Variants in COL26A1 observed in about 807,000 individuals in gnomAD.
COL26A1 encodes collagen alpha-1(XXVI) chain.
Under a neutral mutation model 59.3 loss-of-function variants are expected in COL26A1, and 41 were observed. That is an observed-to-expected ratio of 0.69 (90% CI 0.54 to 0.90). COL26A1 has a LOEUF of 0.90. Ranked by LOEUF, COL26A1 falls within the 40% of genes least tolerant of loss-of-function variation. The pLI, the probability that COL26A1 is intolerant of heterozygous loss-of-function variation, is 0.00. For missense variants in COL26A1, 612 were observed against 602.3 expected (o/e 1.02, Z -0.17); for synonymous variants, 266 against 256.0 (o/e 1.04, Z -0.37).
At chr7:101,453,286 G>A (rs1489487410) in intron 3 of COL26A1, among the ~76,000 whole-genome samples, 1 of 152,210 alleles carries the variant, frequency 6.6e-6, no homozygotes, top group Non-Finnish European at 1.5e-5. Flanking sequence ...AGAATCACTT[G>A]AACCTGGGAG....
rs536080929 is a variant in COL26A1, at chr7:101,461,341, C to A, written c.385+13554C>A. On this transcript the variant is annotated intron_variant, in intron 3 of 12. Transcript: ENST00000313669. ...TTGACGGAGTTTCGCTGTTGTTGTG[C>A]AGGCTGGTGTGTAATGACACGATCT... 3.1e-4 allele frequency among the ~76,000 whole-genome samples: 46 copies of A among 149,948 alleles called. No individual in the cohort carries two copies. In the South Asian group the frequency reaches 9.0e-3, roughly 29 times the overall value.
chr7:101,369,760 G>T (rs897343209), intron 1 of COL26A1, among the ~76,000 whole-genome samples: 3 of 151,944 alleles, frequency 2.0e-5, no homozygotes, highest in Non-Finnish European at 2.9e-5. Flanking sequence ...GTTTAATTCT[G>T]CTAGATAGCG....
chr7:101,396,308 C>T (rs910376621), intron 1 of COL26A1, among the ~76,000 whole-genome samples: 2 of 152,022 alleles, frequency 1.3e-5, no homozygotes, highest in African/African-American at 4.8e-5. Context: ...CTAGTGGTTC[C>T]CCATGCCTCA....
At chr7:101,438,785 C>T (rs777694329) in intron 2 of COL26A1, among the ~76,000 whole-genome samples, 1 of 151,510 alleles carries the variant, frequency 6.6e-6, no homozygotes, top group Non-Finnish European at 1.5e-5. Flanking sequence ...ATTCTCCTGC[C>T]TCAGCCTCCC....
chr7:101,386,985 C>T (rs924266992), intron 1 of COL26A1, among the ~76,000 whole-genome samples: 5 of 151,944 alleles, frequency 3.3e-5, no homozygotes, highest in Admixed American at 6.6e-5. Context: ...AACCTGGCCA[C>T]GCCCCTGGGG....
At chr7:101,448,509 T>C (rs1356722579) in intron 3 of COL26A1, among the ~76,000 whole-genome samples, 1 of 152,062 alleles carries the variant, frequency 6.6e-6, no homozygotes, top group African/African-American at 2.4e-5. Context: ...TTTTTTTTTT[T>C]TGAGACAAGG....
intron 3 of COL26A1, among the ~76,000 whole-genome samples, chr7:101,500,687 G>C (rs1050582155): frequency 4.6e-5 from 7 of 152,074 alleles, no homozygotes; most frequent in South Asian, 2.1e-4. Flanking sequence ...TGGGCGTGGT[G>C]GTGGGCACCT....
chr7:101,460,699 T>G (rs1304737255), intron 3 of COL26A1, among the ~76,000 whole-genome samples: 2 of 151,936 alleles, frequency 1.3e-5, no homozygotes, highest in African/African-American at 4.8e-5. Flanking sequence ...AAGAATCGCT[T>G]GAACCCGGGA....
At chr7:101,456,170 T>TATA (rs11433198) in intron 3 of COL26A1, among the ~76,000 whole-genome samples, 740 of 47,940 alleles carry the variant, frequency 0.015, 8 homozygotes, top group African/African-American at 0.063. Flanking sequence ...ATATATATAT[T>TATA]TTTTTTTTAA....
intron 7 of COL26A1, 27 bp from the exon 8 acceptor site, chr7:101,547,129 C>A (rs1795752309): frequency 6.5e-7 from 1 of 1,540,342 alleles, no homozygotes. Context: ...CCCCACCAGA[C>A]CCCTGGCCGC....
At chr7:101,387,630 G>GCTCTCTCTCTCTCTCTCTCTCTCTCT (rs374185692) in intron 1 of COL26A1, among the ~76,000 whole-genome samples, 1 of 132,424 alleles carries the variant, frequency 7.6e-6, no homozygotes, top group Admixed American at 7.8e-5. Context: ...TCTCTCTCTC[G>GCTCTCTCTCTCTCTCTCTCTCTCTCT]CTCTCTCTCT....
chr7:101,458,077 G>T (rs1157749898), intron 3 of COL26A1, among the ~76,000 whole-genome samples: 1 of 151,900 alleles, frequency 6.6e-6, no homozygotes, highest in African/African-American at 2.4e-5. Context: ...TGTATTTTTA[G>T]TAGAGATGGG....
At chr7:101,377,503 T>C (rs1305267979) in intron 1 of COL26A1, among the ~76,000 whole-genome samples, 1 of 151,532 alleles carries the variant, frequency 6.6e-6, no homozygotes, top group East Asian at 1.9e-4. Flanking sequence ...CATAGCTCAC[T>C]GCAGCCTTGA....
chr7:101,547,818 TTCATTCATTCGTTTATTC>T (rs1448741210), intron 8 of COL26A1, among the ~76,000 whole-genome samples: 4 of 149,476 alleles, frequency 2.7e-5, no homozygotes, highest in South Asian at 2.1e-4. Context: ...CATTCGTTCA[TTCATTCATTCGTTTATTC>T]ATTCATTCAT....
intron 3 of COL26A1, among the ~76,000 whole-genome samples, chr7:101,488,294 A>G (rs1794310345): frequency 6.7e-6 from 1 of 149,412 alleles, no homozygotes; most frequent in Non-Finnish European, 1.5e-5. Flanking sequence ...AAAAAAAAGT[A>G]ATTAAATATA....
At chr7:101,519,811 TCTC>T (rs1214773998) in intron 3 of COL26A1, among the ~76,000 whole-genome samples, 2 of 152,058 alleles carry the variant, frequency 1.3e-5, no homozygotes, top group African/African-American at 2.4e-5. Flanking sequence ...TTCCCTCCTC[TCTC>T]CTCGGGAAAA....
intron 5 of COL26A1, among the ~76,000 whole-genome samples, chr7:101,542,095 T>C (rs914538307): frequency 6.6e-6 from 1 of 151,996 alleles, no homozygotes; most frequent in Non-Finnish European, 1.5e-5. Flanking sequence ...GCCTCCCTAA[T>C]AACTGGGATT....
rs1295899113 is a variant in COL26A1, at chr7:101,558,100, C to T, written c.*570C>T. The T allele has an allele frequency of 6.6e-6, 1 of 152,324 alleles. No individual in the cohort carries two copies. Among genetic ancestry groups the T allele is most frequent in the Non-Finnish European group, 1.5e-5 (1 of 68,142 alleles). The allele number at this position is 152,324 out of a possible 1,614,324, so 9.4% of individuals were successfully genotyped here. On this transcript the variant is annotated 3_prime_UTR_variant, in exon 13 of 13. Coordinates refer to ENST00000313669, the MANE Select transcript of COL26A1 (RefSeq NM_001278563.3). Reference sequence around the variant, plus strand: ...GGGAGGGCGCAGGGCCAGAACGGCTCCTTAAGGCAGGCAGGGCTGCGGGGA... The same window carrying T: ...GGGAGGGCGCAGGGCCAGAACGGCTTCTTAAGGCAGGCAGGGCTGCGGGGA...
At chr7:101,534,356 G>T (rs887927384) in intron 4 of COL26A1, among the ~76,000 whole-genome samples, 39 of 152,238 alleles carry the variant, frequency 2.6e-4, no homozygotes, top group African/African-American at 8.9e-4. Context: ...AGAGAGCAGG[G>T]CCAGGGTCAG....
Sources: allele counts gnomAD v4.1 joint callset (sites outside exome capture counted in the v4.1 genomes callset), GRCh38; gene constraint gnomAD v4.1.1; transcripts MANE v1.5; gene names NCBI Gene and HGNC (gene_info 2026-07-23, HGNC 2026-07-21).